Variants in SHC4 observed in about 807,000 individuals in gnomAD.
SHC4 encodes the protein SHC-transforming protein 4.
In SHC4, 41 loss-of-function variants were observed where a neutral mutation model predicts 69.4. The observed-to-expected ratio is 0.59, with a 90% CI of 0.46 to 0.77. The LOEUF (loss-of-function observed/expected upper bound fraction) is 0.77, where lower values mean the gene tolerates loss of function less well. Among genes scored for constraint, SHC4 ranks in the 30% least tolerant of loss-of-function variants. SHC4 has a pLI of 0.00. For synonymous variants in SHC4, 318 were observed against 299.3 expected (o/e 1.06, Z -0.64); for missense variants, 777 against 783.8 (o/e 0.99, Z 0.10).
At chr15:48,878,114 C>T in intron 4 of SHC4, 5 of 1,505,402 alleles carry the variant, frequency 3.3e-6, no homozygotes, top group Non-Finnish European at 4.4e-6. Context: ...CGCGCACGAA[C>T]GCACGGCCGC....
intron 10 of SHC4, among the ~76,000 whole-genome samples, chr15:48,839,357 G>A (rs1898952059): frequency 6.6e-6 from 1 of 152,160 alleles, no homozygotes. Flanking sequence ...TGACCACAGT[G>A]GGAAATAGCC....
In SHC4 at chr15:48,920,628, C is replaced by A. The variant is rs757930041; in HGVS notation, c.656+4251G>T. ...ATAAATGGCTGGGAAAAGGGGGTAC[C>A]AATTAGTACAAATAGACTGCAGAGC... On this transcript the variant is annotated intron_variant, in intron 2 of 11. Coordinates refer to ENST00000332408, the MANE Select transcript of SHC4 (RefSeq NM_203349.4). Among the ~76,000 whole-genome samples, 34 of 152,140 alleles carry A rather than the reference C, an allele frequency of 2.2e-4. 1 individual carries two copies. Among genetic ancestry groups the A allele is most frequent in the Admixed American group, 3.9e-4 (6 of 15,280 alleles).
At position 48,962,869 on chromosome 15, in the gene SHC4, C is replaced by A. The variant is rs763480711; in HGVS notation, c.147G>T (p.Ser49=). 11 of 1,613,106 alleles carry A rather than the reference C, an allele frequency of 6.8e-6. No homozygotes were observed. In the South Asian group the frequency reaches 7.7e-5, roughly 11 times the overall value. The change falls in exon 1 of 12, where the codon TCG becomes TCT. Residue 49 remains serine, a synonymous_variant. Transcript: ENST00000332408. ...GCTGCGGCGAGCCCTTGTTCCCGAC[C>A]GAGCCTCCGGAGCTACCTTCGTCCA... is the stretch of plus-strand genomic sequence containing the variant. The part of the protein sequence containing the change: ...TSLDEGSSGG[S]VGNKGSPQPP...
chr15:48,947,161 TGA>T (rs1381800622), intron 1 of SHC4: 1 of 152,338 alleles, frequency 6.6e-6, no homozygotes, highest in Admixed American at 6.5e-5. Context: ...TTGGCCAAAA[TGA>T]GTATCTTTAA....
intron 1 of SHC4, among the ~76,000 whole-genome samples, chr15:48,956,025 C>G (rs1309885394): frequency 1.3e-5 from 2 of 152,166 alleles, no homozygotes; most frequent in African/African-American, 2.4e-5. Flanking sequence ...AGGACTGGAC[C>G]AATCAAGGGA....
chr15:48,848,804 T>C (rs779684672), intron 9 of SHC4, among the ~76,000 whole-genome samples: 9 of 152,196 alleles, frequency 5.9e-5, no homozygotes, highest in Non-Finnish European at 1.2e-4. Flanking sequence ...CATAAATTTA[T>C]GTTTTTGGAG....
At chr15:48,923,159 A>C (rs1048173190) in intron 2 of SHC4, among the ~76,000 whole-genome samples, 2 of 152,244 alleles carry the variant, frequency 1.3e-5, no homozygotes, top group Admixed American at 1.3e-4. Context: ...TAAGGCAGAG[A>C]GTCTCAATCA....
chr15:48,950,220 T>C (rs1239868898), intron 1 of SHC4, among the ~76,000 whole-genome samples: 1 of 146,308 alleles, frequency 6.8e-6, no homozygotes. Context: ...TATATTATTA[T>C]ATATAAAATT....
At chr15:48,925,865 C>T (rs921518357) in intron 1 of SHC4, among the ~76,000 whole-genome samples, 3 of 151,998 alleles carry the variant, frequency 2.0e-5, no homozygotes, top group East Asian at 1.9e-4. Context: ...ATAGGAAGGA[C>T]GGGACAGATT....
At chr15:48,923,115 A>G (rs1446654256) in intron 2 of SHC4, among the ~76,000 whole-genome samples, 2 of 152,212 alleles carry the variant, frequency 1.3e-5, no homozygotes, top group Non-Finnish European at 1.5e-5. Flanking sequence ...GGATAGACTG[A>G]GAGAGGTTTG....
intron 10 of SHC4, 131 bp from the exon 11 acceptor site, chr15:48,835,153 G>A: frequency 1.7e-6 from 2 of 1,190,170 alleles, no homozygotes; most frequent in South Asian, 3.3e-5. Flanking sequence ...ATACTGCTTG[G>A]GGAACAAATG....
intron 2 of SHC4, among the ~76,000 whole-genome samples, chr15:48,903,333 G>A (rs1391341238): frequency 2.6e-5 from 4 of 152,138 alleles, no homozygotes; most frequent in Non-Finnish European, 5.9e-5. Flanking sequence ...ACTATCTCTG[G>A]ATGAGATTAG....
intron 1 of SHC4, among the ~76,000 whole-genome samples, chr15:48,942,050 G>A (rs551825640): frequency 1.2e-4 from 19 of 152,156 alleles, no homozygotes; most frequent in Admixed American, 1.2e-3. Context: ...TTACGTAAAT[G>A]GCAATGCTAT....
chr15:48,912,992 G>A (rs924639433), intron 2 of SHC4, among the ~76,000 whole-genome samples: 6 of 151,166 alleles, frequency 4.0e-5, no homozygotes, highest in East Asian at 2.0e-4. Context: ...AGTGGAGGGG[G>A]TGGGGTGCAG....
chr15:48,961,980 C>T (rs1488702107), intron 1 of SHC4, among the ~76,000 whole-genome samples: 1 of 152,146 alleles, frequency 6.6e-6, no homozygotes, highest in Non-Finnish European at 1.5e-5. Flanking sequence ...TAATTCAAGC[C>T]CCTTACACAC....
intron 4 of SHC4, among the ~76,000 whole-genome samples, chr15:48,875,530 T>C (rs1899781814): frequency 6.6e-6 from 1 of 152,230 alleles, no homozygotes; most frequent in Non-Finnish European, 1.5e-5. Context: ...CTAGATGAAC[T>C]GATGAAATAT....
chr15:48,874,334 G>C (rs1396990934), intron 4 of SHC4, among the ~76,000 whole-genome samples: 1 of 152,120 alleles, frequency 6.6e-6, no homozygotes, highest in African/African-American at 2.4e-5. Context: ...TCCATGGTGA[G>C]AAGAACTAGA....
intron 9 of SHC4, among the ~76,000 whole-genome samples, chr15:48,845,554 A>G (rs1899073163): frequency 6.6e-6 from 1 of 152,220 alleles, no homozygotes; most frequent in Non-Finnish European, 1.5e-5. Flanking sequence ...AAGTGGCTAA[A>G]AAATTACTGC....
At chr15:48,850,889 G>A (rs182817296) in intron 9 of SHC4, among the ~76,000 whole-genome samples, 22 of 152,222 alleles carry the variant, frequency 1.4e-4, no homozygotes, top group African/African-American at 4.8e-4. Context: ...CTTGGGTTTC[G>A]AGCAGAGAAA....
Sources: allele counts gnomAD v4.1 joint callset (sites outside exome capture counted in the v4.1 genomes callset), GRCh38; gene constraint gnomAD v4.1.1; transcripts MANE v1.5; gene names NCBI Gene and HGNC (gene_info 2026-07-23, HGNC 2026-07-21).